Variants in UNC5C observed in about 807,000 individuals in gnomAD.
UNC5C encodes the protein unc-5 netrin receptor C, also known as netrin receptor UNC5C.
Under a neutral mutation model 99.8 loss-of-function variants are expected in UNC5C, and 47 were observed. The ratio of observed to expected loss-of-function variants is 0.47; its 90% CI spans 0.37 to 0.60. The LOEUF is 0.60. Among genes scored for constraint, UNC5C ranks in the 20% least tolerant of loss-of-function variants. The pLI, the probability that UNC5C is intolerant of heterozygous loss-of-function variation, is 0.00. For missense variants in UNC5C, 1,062 were observed against 1,165.9 expected (o/e 0.91, Z 1.30); for synonymous variants, 487 against 452.2 (o/e 1.08, Z -0.98).
chr4:95,229,016 A>G (rs919373365), intron 7 of UNC5C, among the ~76,000 whole-genome samples: 2 of 152,136 alleles, frequency 1.3e-5, no homozygotes, highest in African/African-American at 4.8e-5. Flanking sequence ...TTGGCATAAA[A>G]CCCTATAAGT....
chr4:95,299,293 C>T (rs752651790), intron 3 of UNC5C, among the ~76,000 whole-genome samples: 32 of 152,138 alleles, frequency 2.1e-4, no homozygotes, highest in Non-Finnish European at 4.0e-4. Context: ...AGGCCACCAG[C>T]AAGCCAAGAA....
At position 95,350,752 on chromosome 4, in the gene UNC5C, C is replaced by T. The variant is rs112946198; in HGVS notation, c.125-15121G>A. Among the ~76,000 whole-genome samples the T allele has an allele frequency of 2.3e-3, 344 of 152,240 alleles. 2 individuals carry two copies. Among genetic ancestry groups the T allele is most frequent in the African/African-American group, 7.8e-3 (325 of 41,550 alleles). On this transcript the variant is annotated intron_variant, in intron 1 of 15. Transcript: ENST00000453304. ...ATTATTACAATGTATTTGCATGACA[C>T]ATGCTCTCTTCTCTGGAAAAATCTC...
Position 95,331,790 on chromosome 4 carries a change from T to TAA in UNC5C, c.346+3619_346+3620insTT, listed in dbSNP as rs1384252945. 2.0e-5 allele frequency among the ~76,000 whole-genome samples: 3 copies of TAA among 152,256 alleles called. No homozygotes were observed. The East Asian group carries it at 5.8e-4, about 29-fold the overall frequency. ...GAAGAAATCTCTCTCAATATATGTG[T>TAA]ATATGTGTGTGTGGGTGTGTTACCA... On this transcript the variant is annotated intron_variant, in intron 2 of 15. Coordinates refer to ENST00000453304, the MANE Select transcript of UNC5C (RefSeq NM_003728.4).
intron 14 of UNC5C, among the ~76,000 whole-genome samples, chr4:95,172,721 G>A (rs1230790586): frequency 9.9e-5 from 15 of 151,780 alleles, no homozygotes; most frequent in East Asian, 7.7e-4. Flanking sequence ...TTGGCAATGC[G>A]GGCTCTTTTT....
intron 2 of UNC5C, among the ~76,000 whole-genome samples, chr4:95,320,814 T>C (rs971386634): frequency 1.3e-5 from 2 of 152,250 alleles, no homozygotes; most frequent in African/African-American, 4.8e-5. Context: ...TATCTACTTA[T>C]ATGCATATTC....
At chr4:95,263,140 T>C (rs1740308588) in intron 4 of UNC5C, among the ~76,000 whole-genome samples, 1 of 152,188 alleles carries the variant, frequency 6.6e-6, no homozygotes, top group South Asian at 2.1e-4. Context: ...AAAGAAGAGT[T>C]TGTTCTTACA....
intron 1 of UNC5C, among the ~76,000 whole-genome samples, chr4:95,485,545 T>A (rs986278928): frequency 1.3e-5 from 2 of 151,780 alleles, no homozygotes; most frequent in African/African-American, 4.8e-5. Flanking sequence ...CAAAGGAAAC[T>A]AACATTAACA....
chr4:95,409,886 C>T (rs1331390137), intron 1 of UNC5C, among the ~76,000 whole-genome samples: 1 of 152,176 alleles, frequency 6.6e-6, no homozygotes, highest in Non-Finnish European at 1.5e-5. Flanking sequence ...CTCTTGTATG[C>T]CTCTATGTGC....
intron 1 of UNC5C, among the ~76,000 whole-genome samples, chr4:95,355,488 C>T (rs1007075515): frequency 6.6e-6 from 1 of 152,074 alleles, no homozygotes; most frequent in African/African-American, 2.4e-5. Flanking sequence ...TCCAGCAAGT[C>T]ATTCTGGGCC....
At chr4:95,512,898 T>C (rs539372563) in intron 1 of UNC5C, among the ~76,000 whole-genome samples, 1 of 152,162 alleles carries the variant, frequency 6.6e-6, no homozygotes, top group Non-Finnish European at 1.5e-5. Context: ...AATCCAGTAA[T>C]GTAGTAAATA....
intron 12 of UNC5C, among the ~76,000 whole-genome samples, chr4:95,192,724 C>T (rs1239190426): frequency 1.3e-5 from 2 of 151,854 alleles, no homozygotes; most frequent in Non-Finnish European, 2.9e-5. Flanking sequence ...GCTCACCCTA[C>T]TTCTCTGCTC....
chr4:95,252,016 T>C (rs1739762959), intron 4 of UNC5C, among the ~76,000 whole-genome samples: 1 of 152,202 alleles, frequency 6.6e-6, no homozygotes, highest in Non-Finnish European at 1.5e-5. Flanking sequence ...AGAAAAAGAA[T>C]AGAATCTATT....
At chr4:95,527,878 T>C (rs1292657729) in intron 1 of UNC5C, among the ~76,000 whole-genome samples, 1 of 152,146 alleles carries the variant, frequency 6.6e-6, no homozygotes, top group Non-Finnish European at 1.5e-5. Context: ...TATTCCCCTA[T>C]ATTCCTCCCA....
At chr4:95,292,405 T>C (rs1741510897) in intron 3 of UNC5C, among the ~76,000 whole-genome samples, 1 of 151,842 alleles carries the variant, frequency 6.6e-6, no homozygotes, top group Non-Finnish European at 1.5e-5. Context: ...GGAGATTACA[T>C]ATATATTTAA....
chr4:95,482,166 A>C (rs912731858), intron 1 of UNC5C, among the ~76,000 whole-genome samples: 20 of 152,160 alleles, frequency 1.3e-4, no homozygotes, highest in Admixed American at 2.6e-4. Context: ...TTACAAGAAA[A>C]AAACAAACAA....
At chr4:95,216,410 G>T (rs978562306) in intron 9 of UNC5C, among the ~76,000 whole-genome samples, 199 bp from the exon 10 acceptor site, 9 of 152,100 alleles carry the variant, frequency 5.9e-5, no homozygotes, top group African/African-American at 2.2e-4. Context: ...TTACTTAAAG[G>T]AATGATGTAA....
chr4:95,325,725 T>C (rs117668626), intron 2 of UNC5C, among the ~76,000 whole-genome samples: 1 of 152,280 alleles, frequency 6.6e-6, no homozygotes, highest in East Asian at 1.9e-4. Context: ...TGTTTGCTAA[T>C]TGGCCAAAGA....
rs188318008 is a variant in UNC5C at position 95,348,593 on chromosome 4, G to A, written c.125-12962C>T. Among the ~76,000 whole-genome samples the A allele has an allele frequency of 3.9e-3, 583 of 148,614 alleles. 1 individual carries two copies. Among genetic ancestry groups the A allele is most frequent in the Middle Eastern group, 7.0e-3 (2 of 286 alleles). On this transcript the variant is annotated intron_variant, in intron 1 of 15. Transcript: ENST00000453304. ...GATATACACAATGGAGTACTATTCAGTCATTAAAAGTATTTTTTAATGACT... is the reference window on the plus strand; with the variant it reads ...GATATACACAATGGAGTACTATTCAATCATTAAAAGTATTTTTTAATGACT...
chr4:95,388,165 C>A (rs1161941369), intron 1 of UNC5C, among the ~76,000 whole-genome samples: 2 of 152,258 alleles, frequency 1.3e-5, no homozygotes, highest in East Asian at 1.9e-4. Context: ...ACAACCACCA[C>A]CAACAATAAT....
Sources: allele counts gnomAD v4.1 joint callset (sites outside exome capture counted in the v4.1 genomes callset), GRCh38; gene constraint gnomAD v4.1.1; transcripts MANE v1.5; gene names NCBI Gene and HGNC (gene_info 2026-07-23, HGNC 2026-07-21).